The following DRC11 variants were observed in gnomAD, a reference collection of about 807,000 sequenced individuals.
DRC11 encodes IQ and AAA domain-containing protein 1.
At chr2:236,364,548 C>T in the DRC11 span, among the ~76,000 whole-genome samples, 1 of 152,060 alleles carries the variant, frequency 6.6e-6, no homozygotes, top group Non-Finnish European at 1.5e-5. Context: ...TAACCTGACG[C>T]TTGATAATGA....
the DRC11 span, among the ~76,000 whole-genome samples, chr2:236,459,708 T>C: frequency 1.3e-5 from 2 of 149,156 alleles, no homozygotes; most frequent in African/African-American, 4.9e-5. Context: ...TATATACGTA[T>C]ATATATGAGA....
the DRC11 span, among the ~76,000 whole-genome samples, chr2:236,466,531 G>A: frequency 6.6e-6 from 1 of 152,166 alleles, no homozygotes; most frequent in Non-Finnish European, 1.5e-5. Flanking sequence ...GAAGCATGGT[G>A]CCAGCATCTG....
chr2:236,462,374 G>A, the DRC11 span, among the ~76,000 whole-genome samples: 3 of 152,102 alleles, frequency 2.0e-5, no homozygotes, highest in Non-Finnish European at 4.4e-5. The surrounding 1 kb of genome is among the most constrained non-coding windows in gnomAD (Gnocchi z 6.4). Context: ...CCACATGGCT[G>A]TAGAAACCCA....
chr2:236,465,640 T>G, the DRC11 span: 7 of 1,613,680 alleles, frequency 4.3e-6, no homozygotes, highest in Non-Finnish European at 5.9e-6. This position sits in a 1 kb window ranked among gnomAD's most constrained non-coding sequence, Gnocchi z 6.2. Flanking sequence ...CTGCACCTCA[T>G]TCCGCAGGCG....
chr2:236,415,256 T>C, the DRC11 span, among the ~76,000 whole-genome samples: 6 of 152,172 alleles, frequency 3.9e-5, no homozygotes, highest in African/African-American at 1.2e-4. The surrounding 1 kb of genome is among the most constrained non-coding windows in gnomAD (Gnocchi z 5.7). Flanking sequence ...GCAATTGATA[T>C]GTGGTCTTGT....
the DRC11 span, among the ~76,000 whole-genome samples, chr2:236,451,268 G>T: frequency 3.3e-5 from 5 of 151,894 alleles, no homozygotes; most frequent in South Asian, 6.2e-4. Context: ...CCTTTCCTGG[G>T]AAGACCTATA....
At chr2:236,350,161 G>C in the DRC11 span, among the ~76,000 whole-genome samples, 2 of 152,234 alleles carry the variant, frequency 1.3e-5, no homozygotes, top group Non-Finnish European at 2.9e-5. This position sits in a 1 kb window ranked among gnomAD's most constrained non-coding sequence, Gnocchi z 5.2. Context: ...CTTGTTTCCA[G>C]CATCAGATTC....
the DRC11 span, among the ~76,000 whole-genome samples, chr2:236,330,110 A>C: frequency 6.6e-6 from 1 of 152,262 alleles, no homozygotes; most frequent in Non-Finnish European, 1.5e-5. The surrounding 1 kb of genome is among the most constrained non-coding windows in gnomAD (Gnocchi z 5.5). Flanking sequence ...GGATAATATC[A>C]GCAATTATGA....
At chr2:236,447,402 G>A in the DRC11 span, among the ~76,000 whole-genome samples, 1 of 151,674 alleles carries the variant, frequency 6.6e-6, no homozygotes, top group Non-Finnish European at 1.5e-5. The surrounding 1 kb of genome is among the most constrained non-coding windows in gnomAD (Gnocchi z 4.6). Context: ...GAGAGACCTG[G>A]ACAGAAAGGT....
chr2:236,327,629 C>A, the DRC11 span, among the ~76,000 whole-genome samples: 3 of 152,038 alleles, frequency 2.0e-5, no homozygotes, highest in East Asian at 5.8e-4. Flanking sequence ...TTTTTCAGTT[C>A]TTTTGTTTTC....
the DRC11 span, among the ~76,000 whole-genome samples, chr2:236,353,225 C>T: frequency 2.6e-5 from 4 of 152,154 alleles, no homozygotes; most frequent in Admixed American, 1.3e-4. This position sits in a 1 kb window ranked among gnomAD's most constrained non-coding sequence, Gnocchi z 5.0. Context: ...GGGTAGTTCA[C>T]GTCACCTGCC....
chr2:236,367,623 A>C, the DRC11 span: 1 of 152,348 alleles, frequency 6.6e-6, no homozygotes, highest in Non-Finnish European at 1.5e-5. The surrounding 1 kb of genome is among the most constrained non-coding windows in gnomAD (Gnocchi z 4.8). Context: ...AGCGAACGTG[A>C]GCCGCAGATA....
the DRC11 span, among the ~76,000 whole-genome samples, chr2:236,474,915 G>T: frequency 6.6e-6 from 1 of 152,046 alleles, no homozygotes; most frequent in South Asian, 2.1e-4. Context: ...AATGTGTAAT[G>T]ATCAAATTAG....
chr2:236,487,783 T>C, the DRC11 span, among the ~76,000 whole-genome samples: 1 of 152,256 alleles, frequency 6.6e-6, no homozygotes, highest in African/African-American at 2.4e-5. Flanking sequence ...TAAAATGCCC[T>C]GAGTTTAGTA....
the DRC11 span, among the ~76,000 whole-genome samples, chr2:236,479,652 CT>C: frequency 6.6e-6 from 1 of 152,130 alleles, no homozygotes; most frequent in Non-Finnish European, 1.5e-5. This position sits in a 1 kb window ranked among gnomAD's most constrained non-coding sequence, Gnocchi z 4.1. Context: ...CACATTTTGA[CT>C]TTTTGTTGTC....
At chr2:236,405,955 C>T in the DRC11 span, among the ~76,000 whole-genome samples, 1 of 152,138 alleles carries the variant, frequency 6.6e-6, no homozygotes, top group Non-Finnish European at 1.5e-5. This position sits in a 1 kb window ranked among gnomAD's most constrained non-coding sequence, Gnocchi z 4.6. Context: ...TCACACTTGA[C>T]CGTGGGTAAC....
chr2:236,486,761 G>A, the DRC11 span: 1 of 1,039,230 alleles, frequency 9.6e-7, no homozygotes, highest in Non-Finnish European at 1.4e-6. The surrounding 1 kb of genome is among the most constrained non-coding windows in gnomAD (Gnocchi z 5.7). Flanking sequence ...ACTCTCAGAA[G>A]AAGACACAGT....
the DRC11 span, among the ~76,000 whole-genome samples, chr2:236,354,242 GGTA>G: frequency 7.3e-5 from 4 of 55,094 alleles, no homozygotes; most frequent in African/African-American, 4.0e-4. Context: ...GTTAGTATGA[GGTA>G]TGTTAGTGTG....
the DRC11 span, among the ~76,000 whole-genome samples, chr2:236,390,209 T>A: frequency 6.6e-6 from 1 of 152,258 alleles, no homozygotes; most frequent in Admixed American, 6.5e-5. The surrounding 1 kb of genome is among the most constrained non-coding windows in gnomAD (Gnocchi z 5.9). Flanking sequence ...TTGACCCTTT[T>A]ATCATTAGTT....
Sources: gnomAD v4.1 joint callset for allele counts (sites outside exome capture counted in the v4.1 genomes callset) on GRCh38, gnomAD v4.1.1 for gene constraint, Gnocchi (gnomAD v3.1) non-coding constraint, MANE v1.5 for transcripts, NCBI Gene and HGNC (gene_info 2026-07-23, HGNC 2026-07-21) for gene names.